Variants in C5orf47 observed in about 807,000 individuals in gnomAD.
C5orf47 encodes uncharacterized protein C5orf47.
A neutral mutation model predicts 20.6 loss-of-function variants in C5orf47; 20 were observed. The ratio of observed to expected loss-of-function variants is 0.97; its 90% confidence interval spans 0.68 to 1.41. C5orf47 has a LOEUF of 1.41. C5orf47 is among the 40% of genes most tolerant of loss of function. The probability of loss-of-function intolerance (pLI) is 0.00; values close to 1 mark genes in which losing one functional copy is unlikely to be tolerated. For missense variants in C5orf47, 262 were observed against 238.4 expected (o/e 1.10, Z -0.65); for synonymous variants, 106 against 97.3 (o/e 1.09, Z -0.53).
downstream of C5orf47, among the ~76,000 whole-genome samples, chr5:174,007,405 T>G (rs6556100): frequency 0.22 from 32,936 of 152,086 alleles, 4,909 homozygotes; most frequent in African/African-American, 0.42. Flanking sequence ...TGCTAGACAG[T>G]TGCCATTGTT....
chr5:173,993,231 C>G lies in C5orf47; in HGVS notation c.325+3643C>G, dbSNP rs112651584. Among the ~76,000 whole-genome samples the G allele has an allele frequency of 2.8e-3, 420 of 152,188 alleles. 1 individual carries two copies. The highest frequency in any genetic ancestry group is 8.9e-3 in the South Asian group (43 of 4,820). Reference sequence around the variant, plus strand: ...AATTTAATGTTTTTTTCTCATTTTACTTACAGTTGTTTTGCAGCTTCAGCA... The same window carrying G: ...AATTTAATGTTTTTTTCTCATTTTAGTTACAGTTGTTTTGCAGCTTCAGCA... On this transcript the variant is annotated intron_variant, in intron 1 of 4. Transcript: ENST00000340147.
chr5:174,009,233 A>G (rs562832974), downstream of C5orf47, among the ~76,000 whole-genome samples: 1 of 150,282 alleles, frequency 6.7e-6, no homozygotes, highest in African/African-American at 2.4e-5. Flanking sequence ...ATAATCCTCC[A>G]GTGTCCTGGA....
chr5:174,009,337 A>G (rs922948454), downstream of C5orf47, among the ~76,000 whole-genome samples: 1 of 152,056 alleles, frequency 6.6e-6, no homozygotes, highest in African/African-American at 2.4e-5. Flanking sequence ...TTCTGTTTTC[A>G]GTTTCTTTCA....
intron 1 of C5orf47, among the ~76,000 whole-genome samples, chr5:173,995,518 G>T (rs1410862799): frequency 2.6e-5 from 4 of 152,234 alleles, no homozygotes; most frequent in Non-Finnish European, 5.9e-5. Flanking sequence ...GGCCAAGTTA[G>T]TTAACCACTA....
In C5orf47 at chr5:174,001,177, T is replaced by A; in HGVS notation, c.512-19T>A. ...TAGAGGCCAACTTAAATTTTCCTTA[T>A]TTTTTATGTTGTTTGCAGGCTCAAA... On this transcript the variant is annotated intron_variant, in intron 3 of 4. Coordinates refer to ENST00000340147, the MANE Select transcript of C5orf47 (RefSeq NM_001144954.2). 3 of 1,509,636 alleles carry A rather than the reference T, an allele frequency of 2.0e-6. No homozygotes were observed. Among genetic ancestry groups the A allele is most frequent in the Non-Finnish European group, 1.8e-6 (2 of 1,112,456 alleles). The allele number at this position is 1,509,636 out of a possible 1,614,324, so 93.5% of individuals were successfully genotyped here.
intron 2 of C5orf47, among the ~76,000 whole-genome samples, chr5:173,998,813 T>A (rs1451534077): frequency 2.6e-5 from 4 of 152,202 alleles, no homozygotes; most frequent in Non-Finnish European, 5.9e-5. Flanking sequence ...TATATTCAGT[T>A]TAAAGAAATT....
intron 1 of C5orf47, 109 bp from the exon 2 acceptor site, chr5:173,998,044 C>G (rs1020412893): frequency 1.5e-6 from 1 of 661,370 alleles, no homozygotes; most frequent in African/African-American, 1.9e-5. Context: ...AATATACCAA[C>G]AAGTATAAAA....
intron 1 of C5orf47, among the ~76,000 whole-genome samples, chr5:173,994,922 T>C (rs1759062128): frequency 6.6e-6 from 1 of 152,124 alleles, no homozygotes; most frequent in Admixed American, 6.6e-5. Flanking sequence ...CAAGTGATTC[T>C]CCTGCCTCAG....
intron 2 of C5orf47, 75 bp downstream of exon 2, chr5:173,998,313 A>T: frequency 1.3e-6 from 1 of 756,710 alleles, no homozygotes; most frequent in Non-Finnish European, 2.1e-6. Flanking sequence ...GTGTAAAGAT[A>T]TTCAAGACAG....
chr5:174,006,670 G>A (rs984810946), downstream of C5orf47, among the ~76,000 whole-genome samples: 10 of 152,082 alleles, frequency 6.6e-5, no homozygotes, highest in Non-Finnish European at 1.2e-4. Flanking sequence ...TGTGGGAGTC[G>A]GGTGGCTGGA....
downstream of C5orf47, among the ~76,000 whole-genome samples, chr5:174,008,926 GACTTC>G (rs1759332495): frequency 6.6e-6 from 1 of 152,000 alleles, no homozygotes; most frequent in Admixed American, 6.6e-5. Context: ...CTGGATCTGG[GACTTC>G]ACTTTATAAA....
chr5:174,001,271 T>A, intron 4 of C5orf47, 40 bp downstream of exon 4: 5 of 1,105,782 alleles, frequency 4.5e-6, no homozygotes, highest in African/African-American at 1.6e-5. Flanking sequence ...AATATAGATT[T>A]TATTCCCTTC....
In C5orf47 at chr5:174,005,535, T is replaced by C. The variant is rs1440696637; in HGVS notation, c.*1281T>C. ...GGAAATGGCCTCGGTTTTTTTGCCA[T>C]GTAGGCTCTCAAGTTTCCCTGCATT... On this transcript the variant is annotated 3_prime_UTR_variant, in exon 5 of 5. Coordinates refer to ENST00000340147, the MANE Select transcript of C5orf47 (RefSeq NM_001144954.2). 6.6e-6 allele frequency: 1 copy of C among 152,308 alleles called. No homozygotes were observed. Among genetic ancestry groups the C allele is most frequent in the East Asian group, 1.9e-4 (1 of 5,340 alleles). The allele number at this position is 152,308 out of a possible 1,614,324, so 9.4% of individuals were successfully genotyped here.
chr5:173,996,840 A>G (rs2113365870), intron 1 of C5orf47, among the ~76,000 whole-genome samples: 1 of 152,022 alleles, frequency 6.6e-6, no homozygotes, highest in Middle Eastern at 3.4e-3. Context: ...ACCAAGTCTT[A>G]GAGAAGTCTT....
At chr5:174,000,333 T>C (rs1379443374) in intron 3 of C5orf47, among the ~76,000 whole-genome samples, 2 of 152,116 alleles carry the variant, frequency 1.3e-5, no homozygotes, top group African/African-American at 4.8e-5. Context: ...ATTGAGTTGA[T>C]ATTGTGGTCA....
chr5:174,001,321 C>T lies in C5orf47; in HGVS notation c.*16+90C>T, dbSNP rs1759193024. ...CCTTCTCCAAACATTAGTGTATAAC[C>T]AATCATTGCTAATTCCAGCCTATTT... On this transcript the variant is annotated intron_variant, in intron 4 of 4. Coordinates refer to ENST00000340147, the MANE Select transcript of C5orf47 (RefSeq NM_001144954.2). 3 of 720,504 alleles carry T rather than the reference C, an allele frequency of 4.2e-6. No individual in the cohort carries two copies. The Admixed American group carries it at 8.6e-5, about 21-fold the overall frequency. 44.6% of individuals were successfully genotyped at this position (720,504 alleles called of 1,614,324 possible). A position where few individuals can be genotyped will look rare whatever the true frequency, so the allele number is the denominator to read the frequency against.
Position 174,001,069 on chromosome 5 carries a change from C to G in C5orf47, c.512-127C>G, listed in dbSNP as rs1759188011. ...AGTGTTAAACTACATTACAGAACTT[C>G]TTTATAAAACTAATAATTATGTTTA... On this transcript the variant is annotated intron_variant, in intron 3 of 4. Coordinates refer to ENST00000340147, the MANE Select transcript of C5orf47 (RefSeq NM_001144954.2). 6 of 682,914 alleles carry G rather than the reference C, an allele frequency of 8.8e-6. No homozygotes were observed. The South Asian group carries it at 1.1e-4, about 13-fold the overall frequency. The allele number at this position is 682,914 out of a possible 1,614,324, so 42.3% of individuals were successfully genotyped here.
intron 1 of C5orf47, among the ~76,000 whole-genome samples, chr5:173,994,091 G>A (rs1197134916): frequency 6.6e-6 from 1 of 152,214 alleles, no homozygotes; most frequent in Admixed American, 6.5e-5. Flanking sequence ...CAAGAGGTCA[G>A]GTGAATGTGG....
downstream of C5orf47, among the ~76,000 whole-genome samples, chr5:174,008,847 A>G (rs1362630811): frequency 3.3e-5 from 5 of 151,374 alleles, no homozygotes; most frequent in Non-Finnish European, 5.9e-5. Context: ...AAAAAGAAAG[A>G]AAAACAACTT....
Sources: allele counts gnomAD v4.1 joint callset (sites outside exome capture counted in the v4.1 genomes callset), GRCh38; gene constraint gnomAD v4.1.1; transcripts MANE v1.5; gene names NCBI Gene and HGNC (gene_info 2026-07-23, HGNC 2026-07-21).